ZNF839: variants seen among roughly 807,000 people sequenced by gnomAD.
ZNF839 encodes renal carcinoma antigen NY-REN-50.
ZNF839 carries 38 observed loss-of-function variants against 56.4 expected under a neutral mutation model. The observed-to-expected ratio is 0.67, with a 90% CI of 0.52 to 0.88. ZNF839 has a LOEUF of 0.88. ZNF839 is among the 40% of genes least tolerant of loss of function. ZNF839 has a pLI of 0.00. For missense variants in ZNF839, 1,091 were observed against 1,177.6 expected (o/e 0.93, Z 1.08); for synonymous variants, 486 against 493.5 (o/e 0.98, Z 0.20).
At chr14:102,324,013 A>T (rs2073272280) in intron 1 of ZNF839, among the ~76,000 whole-genome samples, 1 of 152,250 alleles carries the variant, frequency 6.6e-6, no homozygotes, top group African/African-American at 2.4e-5. Flanking sequence ...ACTGAACTAT[A>T]TATTTTTAGA....
intron 1 of ZNF839, among the ~76,000 whole-genome samples, chr14:102,324,734 G>A (rs1179031103): frequency 9.9e-5 from 15 of 150,992 alleles, no homozygotes; most frequent in East Asian, 7.9e-4. Flanking sequence ...CAGGTGGATC[G>A]CCAGAGGTCA....
At chr14:102,335,664 T>C in intron 4 of ZNF839, 25 bp from the exon 5 acceptor site, 1 of 1,564,182 alleles carries the variant, frequency 6.4e-7, no homozygotes, top group Non-Finnish European at 8.6e-7. Flanking sequence ...TTTAAACTTT[T>C]TTTTTGGTCT....
intron 2 of ZNF839, chr14:102,331,373 C>T (rs763957357): frequency 2.8e-4 from 103 of 365,836 alleles, no homozygotes; most frequent in Non-Finnish European, 1.9e-4. Context: ...TTCAACCTCC[C>T]GAGTAGCCAG....
intron 1 of ZNF839, among the ~76,000 whole-genome samples, chr14:102,322,885 A>G (rs1424696392): frequency 6.6e-6 from 1 of 152,288 alleles, no homozygotes; most frequent in East Asian, 1.9e-4. Flanking sequence ...TTCTTGAAGG[A>G]TATGCGCAGT....
chr14:102,328,375 A>AAAATATATATATAT (rs1197718891), intron 2 of ZNF839, among the ~76,000 whole-genome samples: 2 of 16,340 alleles, frequency 1.2e-4, no homozygotes. Flanking sequence ...AAAAAAAAAA[A>AAAATATATATATAT]ATATATATAT....
At chr14:102,336,208 T>TC (rs1885681486) in intron 5 of ZNF839, among the ~76,000 whole-genome samples, 1 of 150,610 alleles carries the variant, frequency 6.6e-6, no homozygotes, top group African/African-American at 2.4e-5. Context: ...AAAAAAAAAC[T>TC]CCATGTATGA....
chr14:102,328,710 T>G (rs2073606983), intron 2 of ZNF839, among the ~76,000 whole-genome samples: 1 of 152,044 alleles, frequency 6.6e-6, no homozygotes, highest in African/African-American at 2.4e-5. Context: ...TACTCTAATT[T>G]CCGTATAGAA....
chr14:102,322,902 CGTT>C (rs1597707989), intron 1 of ZNF839, among the ~76,000 whole-genome samples: 1 of 152,222 alleles, frequency 6.6e-6, no homozygotes, highest in Non-Finnish European at 1.5e-5. Context: ...CAGTCAATCT[CGTT>C]GTCATTTGTT....
chr14:102,321,535 G>A (rs1372916416), intron 1 of ZNF839, among the ~76,000 whole-genome samples: 1 of 152,292 alleles, frequency 6.6e-6, no homozygotes, highest in African/African-American at 2.4e-5. Context: ...AATTCTACCT[G>A]CAATAATATA....
At chr14:102,319,647 G>A, upstream of ZNF839, 5 of 1,199,226 alleles carry the variant, frequency 4.2e-6, no homozygotes, top group Non-Finnish European at 5.2e-6. This position sits in a 1 kb window ranked among gnomAD's most constrained non-coding sequence, Gnocchi z 4.5. Context: ...GGCCAGACAC[G>A]GTCGCCTTCC....
intron 1 of ZNF839, among the ~76,000 whole-genome samples, chr14:102,324,146 T>C (rs72698583): frequency 0.018 from 2,781 of 152,294 alleles, 52 homozygotes; most frequent in South Asian, 0.075. Context: ...TTGTTCCTTA[T>C]GGCTTTGTTG....
intron 2 of ZNF839, among the ~76,000 whole-genome samples, chr14:102,329,930 A>G (rs1434834751): frequency 6.7e-6 from 1 of 149,812 alleles, no homozygotes; most frequent in East Asian, 2.0e-4. Flanking sequence ...AGTAGGTGGG[A>G]TTACAGGTGC....
intron 2 of ZNF839, among the ~76,000 whole-genome samples, 169 bp downstream of exon 2, chr14:102,327,056 G>A (rs1262821786): frequency 6.6e-6 from 1 of 152,064 alleles, no homozygotes; most frequent in Non-Finnish European, 1.5e-5. Context: ...GGAGGCCTCG[G>A]GAAACAGAGT....
chr14:102,340,274 C>CT lies in ZNF839; in HGVS notation c.1928-1034dup, dbSNP rs34818560. On this transcript the variant is annotated intron_variant, in intron 7 of 7. Transcript: ENST00000442396. ...TACAGGCATGAGCCACTACGCCAGC[C>CT]TTTTTTTTTTTTTTTGAGATGGAGT... Among the ~76,000 whole-genome samples the CT allele has an allele frequency of 5.1e-3, 658 of 128,494 alleles. 2 individuals carry two copies. The highest frequency in any genetic ancestry group is 0.026 in the Middle Eastern group (6 of 228). 84.3% of individuals were successfully genotyped at this position (128,494 alleles called of 152,430 possible).
intron 2 of ZNF839, among the ~76,000 whole-genome samples, chr14:102,328,396 ATATATATATATATAT>A (rs1567288777): frequency 0.013 from 1,412 of 105,686 alleles, 75 homozygotes; most frequent in Admixed American, 0.065. Flanking sequence ...ATATATATAT[ATATATATATATATAT>A]GTATACACAC....
At position 102,319,764 on chromosome 14, in the gene ZNF839, C is replaced by T. The variant is rs2073015739; in HGVS notation, c.-2C>T. ...CGGGTTCGAGTCCCCGCCTCGGCCG[C>T]CATGGCGGATGCGGAGCCGGAGGCT... On this transcript the variant is annotated 5_prime_UTR_variant, in exon 1 of 8. Coordinates refer to ENST00000442396, the MANE Select transcript of ZNF839 (RefSeq NM_018335.6). This position sits in a 1 kb window ranked among gnomAD's most constrained non-coding sequence, Gnocchi z 4.5. The T allele has an allele frequency of 1.6e-6, 2 of 1,230,274 alleles. No homozygotes were observed. The highest frequency in any genetic ancestry group is 2.0e-6 in the Non-Finnish European group (2 of 986,678). 76.2% of individuals were successfully genotyped at this position (1,230,274 alleles called of 1,614,324 possible).
chr14:102,333,346 C>T (rs2073875221), intron 3 of ZNF839, among the ~76,000 whole-genome samples: 2 of 148,526 alleles, frequency 1.3e-5, no homozygotes, highest in Admixed American at 6.6e-5. Context: ...GCAGCCTCCA[C>T]CTCCCAGGCT....
chr14:102,330,108 T>C (rs144351983), intron 2 of ZNF839, among the ~76,000 whole-genome samples: 1 of 152,286 alleles, frequency 6.6e-6, no homozygotes, highest in African/African-American at 2.4e-5. Flanking sequence ...GATTTTCTAC[T>C]TCTTTGTGAT....
At chr14:102,318,387 C>T (rs1597701645), upstream of ZNF839, among the ~76,000 whole-genome samples, 1 of 152,152 alleles carries the variant, frequency 6.6e-6, no homozygotes, top group East Asian at 1.9e-4. Flanking sequence ...AATCTCAGCA[C>T]TTGGGAAGGC....
Sources: gnomAD v4.1 joint callset for allele counts (sites outside exome capture counted in the v4.1 genomes callset) on GRCh38, gnomAD v4.1.1 for gene constraint, Gnocchi (gnomAD v3.1) non-coding constraint, MANE v1.5 for transcripts, NCBI Gene and HGNC (gene_info 2026-07-23, HGNC 2026-07-21) for gene names.